The following CFAP77 variants were observed in gnomAD, a reference collection of about 807,000 sequenced individuals.
The protein encoded by CFAP77 is cilia- and flagella-associated protein 77.
Under a neutral mutation model 31.1 loss-of-function variants are expected in CFAP77, and 25 were observed. That is an observed-to-expected ratio of 0.80 (90% CI 0.59 to 1.12). The LOEUF (loss-of-function observed/expected upper bound fraction) is 1.12. CFAP77 is among the 50% of genes most tolerant of loss of function. The probability of loss-of-function intolerance (pLI) is 0.00; values close to 1 mark genes in which losing one functional copy is unlikely to be tolerated. For missense variants in CFAP77, 377 were observed against 397.3 expected, an observed-to-expected ratio of 0.95 and a Z score of 0.44; for synonymous variants, 151 against 159.9, an observed-to-expected ratio of 0.94 and a Z score of 0.42.
At chr9:132,547,955 A>G (rs909519164) in intron 5 of CFAP77, among the ~76,000 whole-genome samples, 2 of 152,130 alleles carry the variant, frequency 1.3e-5, no homozygotes, top group African/African-American at 4.8e-5. Context: ...CCACTCATGC[A>G]CAGCCACACA....
intron 5 of CFAP77, among the ~76,000 whole-genome samples, chr9:132,549,926 C>T (rs1010197446): frequency 2.6e-5 from 4 of 152,204 alleles, no homozygotes; most frequent in Admixed American, 2.0e-4. Flanking sequence ...GGCACCTGCT[C>T]GTGAGGTGAC....
At chr9:132,417,961 C>A (rs184336964) in intron 1 of CFAP77, among the ~76,000 whole-genome samples, 1 of 152,178 alleles carries the variant, frequency 6.6e-6, no homozygotes, top group South Asian at 2.1e-4. Flanking sequence ...GCCCTAGTTG[C>A]GAGTGAAACC....
intron 3 of CFAP77, among the ~76,000 whole-genome samples, chr9:132,521,778 T>TTTTTGTTTTTTG (rs1554747342): frequency 1.9e-5 from 2 of 106,118 alleles, no homozygotes; most frequent in African/African-American, 3.8e-5. Context: ...TTTTTTTTTT[T>TTTTTGTTTTTTG]TTTTTTGAGA....
In CFAP77 at chr9:132,498,158, T is replaced by A. The variant is rs560094915; in HGVS notation, c.196-537T>A. Among the ~76,000 whole-genome samples, 125 of 152,172 alleles carry A rather than the reference T, an allele frequency of 8.2e-4. No individual in the cohort carries two copies. Among genetic ancestry groups the A allele is most frequent in the African/African-American group, 2.9e-3 (121 of 41,532 alleles). ...GTAAGGACATCTGGCCAGGTGCAGA[T>A]GGGTGGCAGTGGCCCTGTCACTGTG... On this transcript the variant is annotated intron_variant, in intron 1 of 5. Coordinates refer to ENST00000393216, the MANE Select transcript of CFAP77 (RefSeq NM_001282957.2). The surrounding 1 kb of genome is among the most constrained non-coding windows in gnomAD (Gnocchi z 4.2).
At chr9:132,436,885 A>C (rs1018834786) in intron 1 of CFAP77, among the ~76,000 whole-genome samples, 2 of 152,150 alleles carry the variant, frequency 1.3e-5, no homozygotes, top group Non-Finnish European at 1.5e-5. Context: ...TGGAGAGTGA[A>C]CTTGTCTGGA....
chr9:132,526,840 T>G (rs373370592), intron 3 of CFAP77, among the ~76,000 whole-genome samples: 2 of 46,648 alleles, frequency 4.3e-5, no homozygotes, highest in African/African-American at 1.7e-4. Context: ...AATAACAGGC[T>G]CTGAAATTGT....
intron 3 of CFAP77, among the ~76,000 whole-genome samples, chr9:132,514,823 G>A (rs1330661589): frequency 6.6e-6 from 1 of 152,218 alleles, no homozygotes; most frequent in Non-Finnish European, 1.5e-5. Context: ...CTGCTAGGGA[G>A]ACAGGCGGGG....
At chr9:132,519,344 G>GTGGC (rs1564237940) in intron 3 of CFAP77, among the ~76,000 whole-genome samples, 21 of 2,408 alleles carry the variant, frequency 8.7e-3, no homozygotes, top group South Asian at 0.012. Context: ...GGATGGGTGG[G>GTGGC]TGGGCAAGTG....
intron 1 of CFAP77, among the ~76,000 whole-genome samples, chr9:132,440,147 A>G (rs1850590812): frequency 6.6e-6 from 1 of 152,018 alleles, no homozygotes; most frequent in South Asian, 2.1e-4. Flanking sequence ...CCTGGGCAAC[A>G]TTGCGAAGCC....
intron 1 of CFAP77, among the ~76,000 whole-genome samples, chr9:132,437,491 G>T (rs1295980585): frequency 6.6e-6 from 1 of 150,406 alleles, no homozygotes; most frequent in African/African-American, 2.5e-5. Flanking sequence ...AGAGGGGCGG[G>T]ACCACTTTTG....
intron 1 of CFAP77, among the ~76,000 whole-genome samples, chr9:132,493,270 G>A (rs1319181487): frequency 6.6e-6 from 1 of 152,182 alleles, no homozygotes; most frequent in Non-Finnish European, 1.5e-5. Context: ...ATCCTTCCAG[G>A]CGATGCTATG....
At chr9:132,484,343 C>A (rs1008519140) in intron 1 of CFAP77, among the ~76,000 whole-genome samples, 1 of 152,156 alleles carries the variant, frequency 6.6e-6, no homozygotes, top group African/African-American at 2.4e-5. Flanking sequence ...CAACCATCAC[C>A]CCTCTCTAAT....
rs1383070986 is a variant in CFAP77, at chr9:132,495,920, T to C, written c.196-2775T>C. On this transcript the variant is annotated intron_variant, in intron 1 of 5. Transcript: ENST00000393216. The surrounding 1 kb of genome is among the most constrained non-coding windows in gnomAD (Gnocchi z 4.2). Reference sequence around the variant, plus strand: ...CTCACCAAGACACTGGGTCTGTTGGTGTCTAGATCTTGGACTTCCCAGCCT... The same window carrying C: ...CTCACCAAGACACTGGGTCTGTTGGCGTCTAGATCTTGGACTTCCCAGCCT... 1.3e-5 allele frequency among the ~76,000 whole-genome samples: 2 copies of C among 152,226 alleles called. No homozygotes were observed. Among genetic ancestry groups the C allele is most frequent in the Non-Finnish European group, 2.9e-5 (2 of 68,044 alleles).
rs1370098292 is a variant in CFAP77 at position 132,486,024 on chromosome 9, ATATATATATATATATATG to A, written c.196-12667_196-12650del. On this transcript the variant is annotated intron_variant, in intron 1 of 5. Coordinates refer to ENST00000393216, the MANE Select transcript of CFAP77 (RefSeq NM_001282957.2). ...TATATATATATATATATATATATAT[ATATATATATATATATATG>A]TATGTATATGTATGTGTGTGTGTGT... Among the ~76,000 whole-genome samples the A allele has an allele frequency of 5.5e-4, 24 of 43,330 alleles. 2 individuals are homozygous for A. The highest frequency in any genetic ancestry group is 4.4e-3 in the African/African-American group (18 of 4,082). The allele number at this position is 43,330 out of a possible 152,430, so 28.4% of individuals were successfully genotyped here.
intron 3 of CFAP77, among the ~76,000 whole-genome samples, chr9:132,500,138 T>G (rs2118965893): frequency 7.2e-6 from 1 of 139,848 alleles, no homozygotes. Flanking sequence ...GGCAACAGAG[T>G]GAGACCCTGT....
intron 1 of CFAP77, among the ~76,000 whole-genome samples, chr9:132,478,714 T>C (rs1439338194): frequency 1.3e-5 from 2 of 152,212 alleles, no homozygotes; most frequent in Non-Finnish European, 2.9e-5. Flanking sequence ...GGGCCGGAGA[T>C]GCTCATCTCA....
chr9:132,488,305 C>T (rs945205331), intron 1 of CFAP77, among the ~76,000 whole-genome samples: 6 of 152,134 alleles, frequency 3.9e-5, no homozygotes, highest in African/African-American at 1.2e-4. Context: ...ACCACTGGCC[C>T]GTTTGTCTGG....
intron 5 of CFAP77, among the ~76,000 whole-genome samples, chr9:132,558,433 G>T (rs1255834849): frequency 6.6e-6 from 1 of 152,222 alleles, no homozygotes; most frequent in Non-Finnish European, 1.5e-5. Context: ...ATCCAGGTGT[G>T]GTGGCTCATG....
intron 3 of CFAP77, among the ~76,000 whole-genome samples, chr9:132,524,953 A>T (rs957468285): frequency 5.4e-5 from 8 of 146,892 alleles, no homozygotes; most frequent in African/African-American, 2.0e-4. Context: ...CGGCCGACAC[A>T]CCCCATATTT....
Sources: gnomAD v4.1 joint callset for allele counts (sites outside exome capture counted in the v4.1 genomes callset) on GRCh38, gnomAD v4.1.1 for gene constraint, Gnocchi (gnomAD v3.1) non-coding constraint, MANE v1.5 for transcripts, NCBI Gene and HGNC (gene_info 2026-07-23, HGNC 2026-07-21) for gene names.